BICRA: variants seen among roughly 807,000 people sequenced by gnomAD.
BICRA encodes BRD4-interacting chromatin-remodeling complex-associated protein.
Under a neutral mutation model 96.9 loss-of-function variants are expected in BICRA, and 31 were observed. The ratio of observed to expected loss-of-function variants is 0.32; its 90% confidence interval spans 0.24 to 0.43. The LOEUF is 0.43. Ranked by LOEUF, BICRA falls within the 20% of genes least tolerant of loss-of-function variation. The pLI is 1.00. For missense variants in BICRA, 2,283 were observed against 2,190.3 expected (o/e 1.04, Z -0.84); for synonymous variants, 1,350 against 1,071.8 (o/e 1.26, Z -5.07).
chr19:47,657,180 C>T (rs966654770), intron 1 of BICRA, among the ~76,000 whole-genome samples: 1 of 152,042 alleles, frequency 6.6e-6, no homozygotes, highest in South Asian at 2.1e-4. Flanking sequence ...GATCTTTACA[C>T]AAATGGACTC....
Position 47,685,786 on chromosome 19 carries a change from T to TGCGCGCGCGCGCGCGCGC in BICRA, c.2283+3648_2283+3649insGCGCGCGCGCGCGCGCGC, listed in dbSNP as rs67811590. ...GTGTGTGTGTGTGTGTGTGTGTGTG[T>TGCGCGCGCGCGCGCGCGC]GCGCGCGCGCGCGCATGCGTACATT... On this transcript the variant is annotated intron_variant, in intron 7 of 14. Transcript: ENST00000594866. 2.5e-4 allele frequency among the ~76,000 whole-genome samples: 29 copies of TGCGCGCGCGCGCGCGCGC among 117,922 alleles called. 1 individual carries two copies. Among genetic ancestry groups the TGCGCGCGCGCGCGCGCGC allele is most frequent in the Admixed American group, 1.5e-3 (17 of 11,526 alleles). The allele number at this position is 117,922 out of a possible 152,430, so 77.4% of individuals were successfully genotyped here.
intron 1 of BICRA, among the ~76,000 whole-genome samples, chr19:47,619,190 A>G (rs1442581443): frequency 1.5e-5 from 1 of 67,492 alleles, no homozygotes; most frequent in Non-Finnish European, 3.0e-5. Context: ...GTATATATAT[A>G]TGTATATATA....
Position 47,701,665 on chromosome 19 carries a change from G to A in BICRA, c.3933G>A (p.Lys1311=), listed in dbSNP as rs1352412450. 1 of 1,602,988 alleles carries A rather than the reference G, an allele frequency of 6.2e-7. No homozygotes were observed. Among genetic ancestry groups the A allele is most frequent in the Non-Finnish European group, 8.5e-7 (1 of 1,176,000 alleles). The change falls in exon 15 of 15, where the codon AAG becomes AAA. Residue 1311 remains lysine (K), a synonymous_variant. Coordinates refer to ENST00000594866, the MANE Select transcript of BICRA (RefSeq NM_001394372.1). This position sits in a 1 kb window ranked among gnomAD's most constrained non-coding sequence, Gnocchi z 5.4. The stretch of plus-strand genomic sequence containing the variant: ...GGAGCCGCATCGGGCTCAAGCTCAA[G>A]ATCAAGCAGGAAGCCGGGCTCAGCA... ...EARSRIGLKL[K]IKQEAGLSKV...
chr19:47,639,694 C>T (rs1280708160), intron 1 of BICRA, among the ~76,000 whole-genome samples: 2 of 134,980 alleles, frequency 1.5e-5, no homozygotes, highest in Non-Finnish European at 3.1e-5. Flanking sequence ...GGTTGGAGTA[C>T]AGTGTGGCAC....
chr19:47,651,025 T>C (rs111754603), intron 1 of BICRA, among the ~76,000 whole-genome samples: 1,629 of 152,262 alleles, frequency 0.011, 15 homozygotes, highest in Non-Finnish European at 0.015. Flanking sequence ...CCTCTTGCTC[T>C]GCTATTATGT....
rs1470188802 is a variant in BICRA, at chr19:47,699,058, G to T, written c.3491G>T (p.Arg1164Leu). 1.9e-6 allele frequency: 3 copies of T among 1,559,830 alleles called. No individual in the cohort carries two copies. Among genetic ancestry groups the T allele is most frequent in the Admixed American group, 3.8e-5 (2 of 53,266 alleles). ...KYRLLLLEES[R>L]RVSPSAEMVM... ...CGGCTCCTGCTCCTGGAGGAGTCCC[G>T]GGTAGGGTCAGAGTCGCCTTCCTCG... The change falls in exon 13 of 15, where the codon CGG becomes CTG. Residue 1164 changes from arginine to leucine, a missense_variant and splice_region_variant. Physicochemically the swap from Arg to Leu is moderately radical, Grantham distance 102. Coordinates refer to ENST00000594866, the MANE Select transcript of BICRA (RefSeq NM_001394372.1). This position sits in a 1 kb window ranked among gnomAD's most constrained non-coding sequence, Gnocchi z 5.0.
chr19:47,694,515 C>T lies in BICRA; in HGVS notation c.2684C>T (p.Ser895Phe). The T allele has an allele frequency of 1.3e-6, 2 of 1,572,132 alleles. No individual in the cohort carries two copies. Among genetic ancestry groups the T allele is most frequent in the Non-Finnish European group, 1.7e-6 (2 of 1,158,182 alleles). The stretch of plus-strand genomic sequence containing the variant: ...GCTGTGGCCTCCTCCTCTGAGACGT[C>T]CTCCAGGTTGCCAGCCCCTACGCCA... Reference protein sequence around the residue: ...SSAVASSSETSSRLPAPTPSD... With the variant: ...SSAVASSSETFSRLPAPTPSD... Residue 895 changes from serine (S) to phenylalanine (F), a missense_variant, in exon 8 of 15, where the codon TCC (serine) becomes TTC (phenylalanine). Ser to Phe is a radical substitution (Grantham distance 155). Transcript: ENST00000594866.
At chr19:47,673,867 T>C in intron 4 of BICRA, 105 bp downstream of exon 4, 2 of 1,019,038 alleles carry the variant, frequency 2.0e-6, no homozygotes, top group African/African-American at 1.6e-5. Flanking sequence ...CCATCTGCCT[T>C]GTGGCTTCTA....
Position 47,698,136 on chromosome 19 carries a change from G to C in BICRA, c.3249-498G>C, listed in dbSNP as rs1234324988. 1.3e-5 allele frequency among the ~76,000 whole-genome samples: 2 copies of C among 152,170 alleles called. No individual in the cohort carries two copies. Among genetic ancestry groups the C allele is most frequent in the Non-Finnish European group, 2.9e-5 (2 of 68,032 alleles). Reference sequence around the variant, plus strand: ...CTGGTTTTTAGCCGAGGGTGGAGTTGGGCCTGCCTGGTGGGGGAGACAGTC... The same window carrying C: ...CTGGTTTTTAGCCGAGGGTGGAGTTCGGCCTGCCTGGTGGGGGAGACAGTC... On this transcript the variant is annotated intron_variant, in intron 11 of 14. Coordinates refer to ENST00000594866, the MANE Select transcript of BICRA (RefSeq NM_001394372.1). The surrounding 1 kb of genome is among the most constrained non-coding windows in gnomAD (Gnocchi z 4.8).
chr19:47,696,427 T>A (rs748090576), intron 10 of BICRA, 24 bp from the exon 11 acceptor site: 9 of 1,574,170 alleles, frequency 5.7e-6, no homozygotes, highest in African/African-American at 1.4e-5. Context: ...GGCAAAGGCC[T>A]CTCACTCGCC....
intron 7 of BICRA, among the ~76,000 whole-genome samples, chr19:47,684,561 C>T (rs1029882863): frequency 6.6e-6 from 1 of 152,178 alleles, no homozygotes; most frequent in African/African-American, 2.4e-5. Flanking sequence ...CTCAGGTGAT[C>T]CACCCACCTC....
chr19:47,694,181 C>A lies in BICRA; in HGVS notation c.2350C>A (p.Pro784Thr), dbSNP rs1301792004. The change falls in exon 8 of 15, where the codon CCT (proline) becomes ACT (threonine). Residue 784 changes from proline to threonine, a missense_variant. By Grantham distance (38) the Pro-to-Thr change is conservative. Transcript: ENST00000594866. ...SSSPSLPHQA[P>T]LGDSPHLPSP... is the part of the protein sequence containing the mutation. ...GTCCCCGTCACTACCTCACCAGGCCCCTCTGGGGGACAGCCCCCACCTGCC... is the reference window on the plus strand; with the variant it reads ...GTCCCCGTCACTACCTCACCAGGCCACTCTGGGGGACAGCCCCCACCTGCC... 4 of 1,507,344 alleles carry A rather than the reference C, an allele frequency of 2.7e-6. No individual in the cohort carries two copies. Among genetic ancestry groups the A allele is most frequent in the Admixed American group, 2.0e-5 (1 of 49,282 alleles). 93.4% of individuals were successfully genotyped at this position (1,507,344 alleles called of 1,614,324 possible). A position where few individuals can be genotyped will look rare whatever the true frequency, so the allele number is the denominator to read the frequency against.
Position 47,702,073 on chromosome 19 carries a change from C to G in BICRA, c.4341C>G (p.Pro1447=). The G allele has an allele frequency of 6.6e-7, 1 of 1,511,392 alleles. No individual in the cohort carries two copies. The highest frequency in any genetic ancestry group is 2.6e-5 in the East Asian group (1 of 38,358). 93.6% of individuals were successfully genotyped at this position (1,511,392 alleles called of 1,614,324 possible). A position where few individuals can be genotyped will look rare whatever the true frequency, so the allele number is the denominator to read the frequency against. Residue 1447 remains proline (P), a synonymous_variant, in exon 15 of 15, where the codon CCC becomes CCG. Transcript: ENST00000594866. ...TGTACCAGCGTATGCTGAAGGGCCC[C>G]CCGCCAGAGCCCGCAGCCAGCGCCG... ...DELYQRMLKG[P]PPEPAASAAQ...
chr19:47,673,793 TGAGTGGGGGGCTGTCTAATTGG>T (rs770641055), intron 4 of BICRA, 31 bp downstream of exon 4: 18 of 1,580,612 alleles, frequency 1.1e-5, no homozygotes, highest in Non-Finnish European at 1.6e-5. Flanking sequence ...AGGCATTCCC[TGAGTGGGGGGCTGTCTAATTGG>T]GAGTGAGGGA....
intron 1 of BICRA, among the ~76,000 whole-genome samples, chr19:47,635,046 G>A (rs949464099): frequency 1.3e-5 from 2 of 152,082 alleles, no homozygotes; most frequent in Admixed American, 6.6e-5. Flanking sequence ...ACAGGCGTGA[G>A]CCACCGCTCC....
intron 7 of BICRA, among the ~76,000 whole-genome samples, chr19:47,686,627 G>A (rs1220828579): frequency 9.1e-4 from 139 of 152,014 alleles, no homozygotes; most frequent in Non-Finnish European, 1.5e-3. Flanking sequence ...CAGGTGATCT[G>A]CCCACCTTGG....
chr19:47,613,759 C>T (rs893552205), intron 1 of BICRA, among the ~76,000 whole-genome samples: 3 of 151,886 alleles, frequency 2.0e-5, no homozygotes, highest in Non-Finnish European at 4.4e-5. Flanking sequence ...TTCCGTCCCT[C>T]GCATTCTCCT....
intron 1 of BICRA, among the ~76,000 whole-genome samples, chr19:47,634,963 T>C (rs151111868): frequency 0.017 from 2,510 of 151,936 alleles, 71 homozygotes; most frequent in African/African-American, 0.057. Context: ...GGGGTTTCAC[T>C]GTGTTAGCCA....
At chr19:47,676,417 T>C (rs3760824) in intron 5 of BICRA, among the ~76,000 whole-genome samples, 50,609 of 151,832 alleles carry the variant, frequency 0.33, 10,902 homozygotes, top group African/African-American at 0.61. Context: ...ATGCAGAGGA[T>C]GTTTATTGAG....
Sources: allele counts gnomAD v4.1 joint callset (sites outside exome capture counted in the v4.1 genomes callset), GRCh38; gene constraint gnomAD v4.1.1; non-coding constraint Gnocchi (gnomAD v3.1); transcripts MANE v1.5; gene names NCBI Gene and HGNC (gene_info 2026-07-23, HGNC 2026-07-21).